Variants in GTF2I observed in about 807,000 individuals in gnomAD.
GTF2I encodes the protein general transcription factor IIi.
In GTF2I, 12 loss-of-function variants were observed where a neutral mutation model predicts 67.6. That is an observed-to-expected ratio of 0.18 (90% CI 0.11 to 0.29). The LOEUF (loss-of-function observed/expected upper bound fraction) is 0.29. GTF2I is among the 10% of genes least tolerant of loss of function. GTF2I has a pLI of 1.00. For synonymous variants in GTF2I, 149 were observed against 197.0 expected (o/e 0.76, Z 2.04); for missense variants, 271 against 580.1 (o/e 0.47, Z 5.47).
chr7:74,668,904 T>C (rs896734503), intron 1 of GTF2I, among the ~76,000 whole-genome samples: 1 of 151,930 alleles, frequency 6.6e-6, no homozygotes, highest in Non-Finnish European at 1.5e-5. Context: ...TAAAAATACA[T>C]TAATTTATTT....
At chr7:74,722,983 A>G (rs1554404912) in intron 12 of GTF2I, among the ~76,000 whole-genome samples, 4 of 152,164 alleles carry the variant, frequency 2.6e-5, no homozygotes, top group Admixed American at 2.0e-4. Flanking sequence ...TGGACTACCT[A>G]CCATCCCTTT....
intron 1 of GTF2I, among the ~76,000 whole-genome samples, chr7:74,660,201 CTGT>C (rs1804347059): frequency 7.0e-6 from 1 of 142,232 alleles, no homozygotes; most frequent in Non-Finnish European, 1.5e-5. Context: ...TTTTTTGCTG[CTGT>C]TGTTGAGAGG....
chr7:74,671,456 T>C (rs1805446920), intron 1 of GTF2I, among the ~76,000 whole-genome samples: 1 of 151,800 alleles, frequency 6.6e-6, no homozygotes, highest in South Asian at 2.1e-4. Context: ...ATTTAGCTAT[T>C]AGCTGTCTGA....
At chr7:74,670,430 C>G (rs1805347534) in intron 1 of GTF2I, among the ~76,000 whole-genome samples, 1 of 152,110 alleles carries the variant, frequency 6.6e-6, no homozygotes, top group African/African-American at 2.4e-5. Flanking sequence ...GTGTGGGTGG[C>G]TCACGCCTGT....
At chr7:74,700,721 C>A in intron 6 of GTF2I, 87 bp downstream of exon 6, 1 of 1,252,532 alleles carries the variant, frequency 8.0e-7, no homozygotes, top group Non-Finnish European at 1.2e-6. Context: ...GTTTTATTGT[C>A]TTTGAGAATA....
chr7:74,750,453 TAA>T (rs1795744649), intron 26 of GTF2I, among the ~76,000 whole-genome samples: 1 of 86,942 alleles, frequency 1.2e-5, no homozygotes, highest in African/African-American at 3.4e-5. Context: ...AAAAAAGAAA[TAA>T]GAATAATTGG....
rs183215303 is a variant in GTF2I, at chr7:74,712,538, C to G, written c.763+1429C>G. Among the ~76,000 whole-genome samples the G allele has an allele frequency of 1.2e-4, 15 of 123,188 alleles. No individual in the cohort carries two copies. In the East Asian group the frequency reaches 1.8e-3, roughly 15 times the overall value. 80.8% of individuals were successfully genotyped at this position (123,188 alleles called of 152,430 possible). On this transcript the variant is annotated intron_variant, in intron 9 of 34. Coordinates refer to ENST00000573035, the MANE Select transcript of GTF2I (RefSeq NM_032999.4). ...TGTGTGTGTGTGTGTGTGTGTGTGT[C>G]ATGTCATATTTATTGTTTTATATAT...
intron 15 of GTF2I, among the ~76,000 whole-genome samples, chr7:74,733,020 G>A (rs1357342576): frequency 1.3e-5 from 2 of 149,074 alleles, no homozygotes; most frequent in Non-Finnish European, 3.0e-5. Flanking sequence ...AGGCTTGAGT[G>A]CAGTGTCGCA....
chr7:74,683,963 C>T (rs186028979), intron 1 of GTF2I, among the ~76,000 whole-genome samples: 1 of 152,074 alleles, frequency 6.6e-6, no homozygotes, highest in Admixed American at 6.5e-5. Flanking sequence ...CTTCCACGGC[C>T]TCTTTTACTG....
intron 3 of GTF2I, among the ~76,000 whole-genome samples, chr7:74,692,554 T>G (rs1479997138): frequency 6.6e-6 from 1 of 152,194 alleles, no homozygotes; most frequent in Non-Finnish European, 1.5e-5. Flanking sequence ...TTATTTGACA[T>G]TGGAACAGTG....
intron 12 of GTF2I, among the ~76,000 whole-genome samples, chr7:74,721,389 T>C (rs188652942): frequency 6.2e-4 from 94 of 152,344 alleles, no homozygotes; most frequent in Non-Finnish European, 1.2e-3. Context: ...TGATTTAATG[T>C]TCACATTTGT....
chr7:74,676,947 T>A (rs1805954181), intron 1 of GTF2I, among the ~76,000 whole-genome samples: 1 of 152,050 alleles, frequency 6.6e-6, no homozygotes, highest in African/African-American at 2.4e-5. Context: ...TAATCCCAGC[T>A]ACTCCGGAGA....
rs587764927 is a variant in GTF2I at position 74,681,383 on chromosome 7, C to A, written c.-5-7741C>A. On this transcript the variant is annotated intron_variant, in intron 1 of 34. Transcript: ENST00000573035. The stretch of plus-strand genomic sequence containing the variant: ...CTGGGAGGCAGAGGTTGCAGTGAGC[C>A]GAGATCGTGCCATTGCACTCTAGCC... 1.4e-3 allele frequency among the ~76,000 whole-genome samples: 211 copies of A among 150,678 alleles called. 2 individuals carry two copies. The highest frequency in any genetic ancestry group is 0.01 in the Middle Eastern group (3 of 288).
chr7:74,709,165 G>A (rs1791180329), intron 8 of GTF2I, among the ~76,000 whole-genome samples: 1 of 152,200 alleles, frequency 6.6e-6, no homozygotes, highest in Non-Finnish European at 1.5e-5. Flanking sequence ...ATTTGTAACA[G>A]ACAAGGAAGA....
At position 74,700,229 on chromosome 7, in the gene GTF2I, G is replaced by T; in HGVS notation, c.374-18G>T. On this transcript the variant is annotated intron_variant, in intron 4 of 34. Coordinates refer to ENST00000573035, the MANE Select transcript of GTF2I (RefSeq NM_032999.4). ...TCTTACCATTGAATGATGTTCATCC[G>T]CTTTTCATCTGCCCCAGGGAAAGCT... The T allele has an allele frequency of 6.2e-6, 10 of 1,610,310 alleles. No homozygotes were observed. Among genetic ancestry groups the T allele is most frequent in the Non-Finnish European group, 8.5e-6 (10 of 1,177,428 alleles).
chr7:74,684,935 C>G (rs1216322741), intron 1 of GTF2I: 1 of 152,228 alleles, frequency 6.6e-6, no homozygotes, highest in Non-Finnish European at 1.5e-5. Flanking sequence ...GCGGGCCGAG[C>G]CTGGGGGCTG....
chr7:74,667,039 GGAGGC>G (rs2131198945), intron 1 of GTF2I, among the ~76,000 whole-genome samples: 1 of 152,152 alleles, frequency 6.6e-6, no homozygotes, highest in South Asian at 2.1e-4. Context: ...CAGACACTCG[GGAGGC>G]TGAGGCAGGA....
chr7:74,709,308 G>C (rs782800983), intron 8 of GTF2I, among the ~76,000 whole-genome samples: 1 of 152,116 alleles, frequency 6.6e-6, no homozygotes, highest in Non-Finnish European at 1.5e-5. Flanking sequence ...GAGTGCAGTC[G>C]TGCGATCTCG....
At position 74,700,428 on chromosome 7, in the gene GTF2I, G is replaced by T; in HGVS notation, c.555G>T (p.Lys185Asn). The T allele has an allele frequency of 3.7e-6, 6 of 1,614,118 alleles. No individual in the cohort carries two copies. Among genetic ancestry groups the T allele is most frequent in the Non-Finnish European group, 5.1e-6 (6 of 1,179,998 alleles). ...ENKAGISFIIKRPFLEPKKHV... is the reference protein window; with the variant it reads ...ENKAGISFIINRPFLEPKKHV... Reference sequence around the variant, plus strand: ...AAGCAGGGATTTCATTCATCATTAAGAGGTGAAGTGCTTTCTCCCTTTGTA... The same window carrying T: ...AAGCAGGGATTTCATTCATCATTAATAGGTGAAGTGCTTTCTCCCTTTGTA... The change falls in exon 5 of 35, where the codon AAG (lysine) becomes AAT (asparagine). Residue 185 changes from lysine to asparagine, a missense_variant and splice_region_variant. Lys to Asn is a moderately conservative substitution (Grantham distance 94, BLOSUM62 0). Coordinates refer to ENST00000573035, the MANE Select transcript of GTF2I (RefSeq NM_032999.4).
Sources: allele counts gnomAD v4.1 joint callset (sites outside exome capture counted in the v4.1 genomes callset), GRCh38; gene constraint gnomAD v4.1.1; transcripts MANE v1.5; gene names NCBI Gene and HGNC (gene_info 2026-07-23, HGNC 2026-07-21).